The following NOL4 variants were observed in gnomAD, a reference collection of about 807,000 sequenced individuals.
NOL4 encodes nucleolar protein 4, also known as cancer/testis antigen 125.
A neutral mutation model predicts 75.9 loss-of-function variants in NOL4; 17 were observed. The ratio of observed to expected loss-of-function variants is 0.22; its 90% CI spans 0.15 to 0.34. The LOEUF (loss-of-function observed/expected upper bound fraction) is 0.34. Among genes scored for constraint, NOL4 ranks in the 10% least tolerant of loss-of-function variants. NOL4 has a pLI of 1.00. For missense variants in NOL4, 614 were observed against 793.5 expected, an observed-to-expected ratio of 0.77 and a Z score of 2.72; for synonymous variants, 292 against 289.9, an observed-to-expected ratio of 1.01 and a Z score of -0.07.
chr18:33,949,652 A>G (rs2069075929), intron 8 of NOL4, among the ~76,000 whole-genome samples: 1 of 152,122 alleles, frequency 6.6e-6, no homozygotes, highest in African/African-American at 2.4e-5. Flanking sequence ...TTGTTTTGAG[A>G]AAATTCTCTT....
rs181173651 is a variant in NOL4 at position 34,173,327 on chromosome 18, G to T, written c.265-43307C>A. Among the ~76,000 whole-genome samples the T allele has an allele frequency of 3.3e-5, 5 of 152,118 alleles. No individual in the cohort carries two copies. The East Asian group carries it at 9.6e-4, about 29-fold the overall frequency. Reference sequence around the variant, plus strand: ...TTCTATAGATCTAATGTACAGCAAGGTGATTATAGTTAACAATACTGTATT... The same window carrying T: ...TTCTATAGATCTAATGTACAGCAAGTTGATTATAGTTAACAATACTGTATT... On this transcript the variant is annotated intron_variant, in intron 1 of 10. Coordinates refer to ENST00000261592, the MANE Select transcript of NOL4 (RefSeq NM_003787.5).
At position 33,978,283 on chromosome 18, in the gene NOL4, C is replaced by A. The variant is rs1028538870; in HGVS notation, c.1057-19865G>T. The stretch of plus-strand genomic sequence containing the variant: ...TCAAAGTGACTGATACCAGTATATA[C>A]CAGTACAGACAAAGAGTCTTGCGAA... On this transcript the variant is annotated intron_variant, in intron 6 of 10. Coordinates refer to ENST00000261592, the MANE Select transcript of NOL4 (RefSeq NM_003787.5). 5.3e-5 allele frequency among the ~76,000 whole-genome samples: 8 copies of A among 152,144 alleles called. No homozygotes were observed. The East Asian group carries it at 7.7e-4, about 15-fold the overall frequency.
chr18:34,011,260 A>T (rs1382688550), intron 6 of NOL4, among the ~76,000 whole-genome samples: 1 of 151,724 alleles, frequency 6.6e-6, no homozygotes, highest in African/African-American at 2.4e-5. Context: ...ATAAAAATAA[A>T]ATAAATAGTA....
intron 9 of NOL4, among the ~76,000 whole-genome samples, chr18:33,924,949 C>T (rs1165531896): frequency 2.0e-5 from 3 of 152,068 alleles, no homozygotes; most frequent in African/African-American, 7.2e-5. Context: ...GCTAGGACAG[C>T]TGTGCCACTC....
chr18:34,065,605 A>C (rs1430103937), intron 5 of NOL4, among the ~76,000 whole-genome samples: 4 of 151,912 alleles, frequency 2.6e-5, no homozygotes, highest in Non-Finnish European at 5.9e-5. Flanking sequence ...GCCCCACCCC[A>C]CACAAAACAT....
At chr18:33,910,052 C>T (rs1227104226) in intron 9 of NOL4, among the ~76,000 whole-genome samples, 3 of 152,208 alleles carry the variant, frequency 2.0e-5, no homozygotes, top group Non-Finnish European at 4.4e-5. Flanking sequence ...CCACACTACA[C>T]AGAAATACAT....
At chr18:33,966,952 C>T (rs1254934612) in intron 6 of NOL4, among the ~76,000 whole-genome samples, 2 of 152,156 alleles carry the variant, frequency 1.3e-5, no homozygotes, top group Non-Finnish European at 2.9e-5. Context: ...TTTCCAATGA[C>T]ATTTTTCACA....
In NOL4 at chr18:34,104,062, G is replaced by A. The variant is rs1264988812; in HGVS notation, c.624C>T (p.Asn208=). ...YMKHMKLQLL[N]SQQDEDESSI... is the part of the protein sequence containing the mutation. Reference sequence around the variant, plus strand: ...TTTATTTTACCTCATCTTGCTGTGAGTTTAGCAGCTGCAGCTTCATGTGTT... The same window carrying A: ...TTTATTTTACCTCATCTTGCTGTGAATTTAGCAGCTGCAGCTTCATGTGTT... The change falls in exon 4 of 11, where the codon AAC becomes AAT. Residue 208 remains asparagine, a synonymous_variant. Coordinates refer to ENST00000261592, the MANE Select transcript of NOL4 (RefSeq NM_003787.5). 6.2e-7 allele frequency: 1 copy of A among 1,609,624 alleles called. No homozygotes were observed. Among genetic ancestry groups the A allele is most frequent in the Non-Finnish European group, 8.5e-7 (1 of 1,176,474 alleles).
intron 1 of NOL4, among the ~76,000 whole-genome samples, chr18:34,139,733 T>C (rs1030662297): frequency 6.6e-6 from 1 of 152,182 alleles, no homozygotes; most frequent in African/African-American, 2.4e-5. Flanking sequence ...TTTGAATGTG[T>C]TTGCTCTTGC....
intron 6 of NOL4, among the ~76,000 whole-genome samples, chr18:33,974,734 A>G (rs1038952592): frequency 3.3e-5 from 5 of 151,658 alleles, no homozygotes; most frequent in African/African-American, 1.2e-4. Context: ...TGCTTGACAC[A>G]GTTTCCTCTA....
At chr18:34,130,631 ACTT>A (rs2080596665) in intron 1 of NOL4, among the ~76,000 whole-genome samples, 1 of 152,058 alleles carries the variant, frequency 6.6e-6, no homozygotes, top group African/African-American at 2.4e-5. Flanking sequence ...AATCACTTAA[ACTT>A]CTCTAAATTT....
chr18:34,127,582 C>T (rs893099118), intron 2 of NOL4, among the ~76,000 whole-genome samples: 17 of 151,872 alleles, frequency 1.1e-4, no homozygotes, highest in African/African-American at 3.9e-4. Context: ...TAAAGTCTGG[C>T]CCAACAGTCT....
chr18:33,893,831 AG>A (rs1415083194), intron 9 of NOL4, among the ~76,000 whole-genome samples: 3 of 152,100 alleles, frequency 2.0e-5, no homozygotes, highest in Non-Finnish European at 4.4e-5. Flanking sequence ...TGGTCAGGGC[AG>A]GGTATTAGTG....
At chr18:34,094,979 A>G (rs550963282) in intron 4 of NOL4, among the ~76,000 whole-genome samples, 121 of 152,270 alleles carry the variant, frequency 7.9e-4, no homozygotes, top group African/African-American at 2.8e-3. Context: ...TCAGCAAAGG[A>G]GTTTCTATTA....
rs757676182 is a variant in NOL4 at position 34,196,952 on chromosome 18, G to T, written c.264+26038C>A. ...TTTGAAATACATTCCTGTTGATTTT[G>T]CCATCTCTTTGATATCAAACAATAG... On this transcript the variant is annotated intron_variant, in intron 1 of 10. Transcript: ENST00000261592. Among the ~76,000 whole-genome samples, 16 of 152,074 alleles carry T rather than the reference G, an allele frequency of 1.1e-4. No homozygotes were observed. The South Asian group carries it at 1.5e-3, about 14-fold the overall frequency.
intron 5 of NOL4, among the ~76,000 whole-genome samples, chr18:34,041,925 T>C (rs1247306207): frequency 2.0e-5 from 3 of 152,060 alleles, no homozygotes; most frequent in Admixed American, 2.0e-4. Flanking sequence ...GTATGGGATA[T>C]AATTTATTCT....
chr18:34,092,086 G>A (rs930041562), intron 5 of NOL4, among the ~76,000 whole-genome samples: 9 of 150,542 alleles, frequency 6.0e-5, no homozygotes, highest in African/African-American at 9.8e-5. Flanking sequence ...AGACTAAGAC[G>A]GCAAGGAGAT....
chr18:33,935,740 C>T lies in NOL4; in HGVS notation c.1542+7325G>A, dbSNP rs182180913. 2.6e-3 allele frequency among the ~76,000 whole-genome samples: 390 copies of T among 152,174 alleles called. 1 individual carries two copies. Among genetic ancestry groups the T allele is most frequent in the Non-Finnish European group, 4.3e-3 (290 of 67,984 alleles). The stretch of plus-strand genomic sequence containing the variant: ...AAACTGCAATATCTGTGAAGCACAA[C>T]AAAGTGAAGTTCAATAAAATGAGGA... On this transcript the variant is annotated intron_variant, in intron 9 of 10. Coordinates refer to ENST00000261592, the MANE Select transcript of NOL4 (RefSeq NM_003787.5).
At chr18:33,979,637 T>C (rs552620488) in intron 6 of NOL4, among the ~76,000 whole-genome samples, 2 of 152,014 alleles carry the variant, frequency 1.3e-5, no homozygotes, top group South Asian at 4.1e-4. Flanking sequence ...ATGTGGAGTA[T>C]AAATATGTAC....
Sources: gnomAD v4.1 joint callset for allele counts (sites outside exome capture counted in the v4.1 genomes callset) on GRCh38, gnomAD v4.1.1 for gene constraint, MANE v1.5 for transcripts, NCBI Gene and HGNC (gene_info 2026-07-23, HGNC 2026-07-21) for gene names.